Variants in ABCC9 observed in about 807,000 individuals in gnomAD.
ABCC9 encodes ATP binding cassette subfamily C member 9.
Under a neutral mutation model 188.3 loss-of-function variants are expected in ABCC9, and 95 were observed. The ratio of observed to expected loss-of-function variants is 0.50; its 90% CI spans 0.43 to 0.60. ABCC9 has a LOEUF of 0.60. ABCC9 is among the 20% of genes least tolerant of loss of function. ABCC9 has a pLI of 0.00. For missense variants in ABCC9, 1,102 were observed against 1,876.3 expected (o/e 0.59, Z 7.62); for synonymous variants, 659 against 652.7 (o/e 1.01, Z -0.15).
At chr12:21,921,589 T>G (rs906320588) in intron 5 of ABCC9, among the ~76,000 whole-genome samples, 3 of 152,116 alleles carry the variant, frequency 2.0e-5, no homozygotes, top group African/African-American at 7.2e-5. Context: ...TGATCCCATT[T>G]GTTCATTATT....
At chr12:21,902,925 C>T (rs1005803175) in intron 12 of ABCC9, among the ~76,000 whole-genome samples, 12 of 152,268 alleles carry the variant, frequency 7.9e-5, no homozygotes, top group Admixed American at 3.9e-4. Context: ...AGGGAATCCT[C>T]GCTAATTCAT....
intron 31 of ABCC9, among the ~76,000 whole-genome samples, chr12:21,819,106 A>T (rs947880532): frequency 5.3e-5 from 8 of 152,172 alleles, no homozygotes; most frequent in African/African-American, 1.9e-4. Context: ...ACATCTGTCC[A>T]TTTCCTAACG....
chr12:21,917,223 G>C, intron 5 of ABCC9, 120 bp from the exon 6 acceptor site: 2 of 1,010,128 alleles, frequency 2.0e-6, no homozygotes, highest in Non-Finnish European at 3.0e-6. Flanking sequence ...ATTTCCACAT[G>C]GTTTTACTTG....
chr12:21,815,115 C>T (rs1408828393), intron 34 of ABCC9, among the ~76,000 whole-genome samples: 1 of 151,876 alleles, frequency 6.6e-6, no homozygotes, highest in Non-Finnish European at 1.5e-5. Context: ...CCCAGGAGGT[C>T]GAGGCTGCAG....
Position 21,840,987 on chromosome 12 carries a change from C to T in ABCC9, c.3473+1327G>A, listed in dbSNP as rs116588519. ...ATTTTCTGAATAAACTCAATACCTA[C>T]CTTCTTATTCTAGCACTTATCCATG... On this transcript the variant is annotated intron_variant, in intron 29 of 39. Coordinates refer to ENST00000261200, the MANE Select transcript of ABCC9 (RefSeq NM_020297.4). 1.9e-3 allele frequency among the ~76,000 whole-genome samples: 285 copies of T among 152,324 alleles called. 1 individual carries two copies. The highest frequency in any genetic ancestry group is 6.6e-3 in the African/African-American group (273 of 41,574).
intron 18 of ABCC9, among the ~76,000 whole-genome samples, chr12:21,866,707 G>A (rs986813290): frequency 6.6e-6 from 1 of 152,166 alleles, no homozygotes; most frequent in Non-Finnish European, 1.5e-5. Context: ...AGGAGTCGTC[G>A]ATGGGTGAAG....
At chr12:21,814,786 TTTTG>T (rs1473839687) in intron 34 of ABCC9, 64 bp from the exon 35 acceptor site, 4 of 1,375,740 alleles carry the variant, frequency 2.9e-6, no homozygotes, top group Non-Finnish European at 4.1e-6. Flanking sequence ...TTAGCTTAAG[TTTTG>T]TTTTTTAACT....
intron 16 of ABCC9, among the ~76,000 whole-genome samples, chr12:21,882,084 C>T (rs1946650974): frequency 6.6e-6 from 1 of 152,128 alleles, no homozygotes; most frequent in South Asian, 2.1e-4. Context: ...ACTGAGCCTC[C>T]CCGTCTCTGT....
rs750773183 is a variant in ABCC9, at chr12:21,842,477, A to T, written c.3316-6T>A. 1.3e-5 allele frequency: 21 copies of T among 1,613,754 alleles called. No homozygotes were observed. Among genetic ancestry groups the T allele is most frequent in the Non-Finnish European group, 1.6e-5 (19 of 1,179,802 alleles). ...TCCAAGGTTGGAGGGATGTGCTATT[A>T]GGGTAGTTTAAAAGGAAAATATGAT... On this transcript the variant is annotated splice_polypyrimidine_tract_variant and splice_region_variant and intron_variant, in intron 28 of 39. Coordinates refer to ENST00000261200, the MANE Select transcript of ABCC9 (RefSeq NM_020297.4).
chr12:21,835,527 G>A (rs1944025472), intron 30 of ABCC9, among the ~76,000 whole-genome samples: 1 of 152,180 alleles, frequency 6.6e-6, no homozygotes, highest in Admixed American at 6.5e-5. Context: ...GCACTGGTTA[G>A]CCAAATATCA....
intron 2 of ABCC9, among the ~76,000 whole-genome samples, chr12:21,937,497 G>A (rs1481285757): frequency 6.6e-6 from 1 of 152,074 alleles, no homozygotes; most frequent in Non-Finnish European, 1.5e-5. Context: ...TAGTGAAGTG[G>A]GCCACTGGGG....
At chr12:21,927,347 G>C (rs1052718657) in intron 4 of ABCC9, among the ~76,000 whole-genome samples, 1 of 152,190 alleles carries the variant, frequency 6.6e-6, no homozygotes, top group Non-Finnish European at 1.5e-5. Context: ...AAGGAAGTTG[G>C]TTGGTAATAC....
intron 12 of ABCC9, among the ~76,000 whole-genome samples, chr12:21,898,352 G>GAGAA (rs1947529384): frequency 1.3e-5 from 2 of 152,196 alleles, no homozygotes; most frequent in Middle Eastern, 3.4e-3. Context: ...GTCCCCTGAA[G>GAGAA]AGAAGGATGT....
rs566655809 is a variant in ABCC9, at chr12:21,855,139, G to GA, written c.2506-2635dup. Among the ~76,000 whole-genome samples the GA allele has an allele frequency of 4.0e-4, 61 of 152,152 alleles. No individual in the cohort carries two copies. In the South Asian group the frequency reaches 0.013, roughly 32 times the overall value. On this transcript the variant is annotated intron_variant, in intron 22 of 39. Coordinates refer to ENST00000261200, the MANE Select transcript of ABCC9 (RefSeq NM_020297.4). ...TGATTCTTCCTGGGAATTTTTCACA[G>GA]AAAAAATAAGACATGAATTGAAAAT...
chr12:21,842,490 A>G lies in ABCC9; in HGVS notation c.3316-19T>C, dbSNP rs1048043837. The G allele has an allele frequency of 6.2e-7, 1 of 1,612,990 alleles. No homozygotes were observed. Among genetic ancestry groups the G allele is most frequent in the Non-Finnish European group, 8.5e-7 (1 of 1,178,998 alleles). ...GGATGTGCTATTAGGGTAGTTTAAA[A>G]GGAAAATATGATTAGCCCAGTGAAA... On this transcript the variant is annotated intron_variant, in intron 28 of 39. Transcript: ENST00000261200.
At chr12:21,838,225 C>T (rs1251446577) in intron 29 of ABCC9, 55 bp from the exon 30 acceptor site, 7 of 1,208,124 alleles carry the variant, frequency 5.8e-6, no homozygotes, top group Non-Finnish European at 8.6e-6. Context: ...TCAAAGACTA[C>T]CATGTTTATT....
intron 5 of ABCC9, among the ~76,000 whole-genome samples, chr12:21,921,982 T>C (rs1592241431): frequency 6.6e-6 from 1 of 152,162 alleles, no homozygotes; most frequent in East Asian, 1.9e-4. Context: ...AGCTTTGTAG[T>C]ATGAAATCAG....
intron 7 of ABCC9, among the ~76,000 whole-genome samples, 154 bp downstream of exon 7, chr12:21,915,514 A>ATATATATATATATATTTTTTTTT: frequency 2.8e-4 from 1 of 3,522 alleles, no homozygotes; most frequent in Non-Finnish European, 4.7e-4. Context: ...ATATATATAT[A>ATATATATATATATATTTTTTTTT]TTTTTTTTTT....
intron 11 of ABCC9, 84 bp downstream of exon 11, chr12:21,907,993 G>T: frequency 1.4e-6 from 2 of 1,381,220 alleles, no homozygotes; most frequent in Non-Finnish European, 2.0e-6. Flanking sequence ...ATTATCTTTA[G>T]TGGTATGTAT....
Sources: gnomAD v4.1 joint callset for allele counts (sites outside exome capture counted in the v4.1 genomes callset) on GRCh38, gnomAD v4.1.1 for gene constraint, MANE v1.5 for transcripts, NCBI Gene and HGNC (gene_info 2026-07-23, HGNC 2026-07-21) for gene names.